Variants in FAM13B observed in about 807,000 individuals in gnomAD.
The protein encoded by FAM13B is family with sequence similarity 13 member B.
A neutral mutation model predicts 117.3 loss-of-function variants in FAM13B; 60 were observed. The ratio of observed to expected loss-of-function variants is 0.51; its 90% CI spans 0.42 to 0.63. The LOEUF is 0.63. Among genes scored for constraint, FAM13B ranks in the 30% least tolerant of loss-of-function variants. The pLI, the probability that FAM13B is intolerant of heterozygous loss-of-function variation, is 0.00. For missense variants in FAM13B, 972 were observed against 1,091.9 expected (o/e 0.89, Z 1.55); for synonymous variants, 332 against 356.1 (o/e 0.93, Z 0.76).
chr5:137,978,192 C>A (rs561797703), intron 10 of FAM13B, among the ~76,000 whole-genome samples: 2 of 151,912 alleles, frequency 1.3e-5, no homozygotes, highest in Admixed American at 1.3e-4. Flanking sequence ...AATCATTTTC[C>A]ATTTAGGACT....
intron 15 of FAM13B, 130 bp from the exon 16 acceptor site, chr5:137,953,595 A>G (rs1468470266): frequency 5.7e-6 from 5 of 880,518 alleles, no homozygotes; most frequent in Non-Finnish European, 8.7e-6. Flanking sequence ...ACACTAAAGG[A>G]CAGGTAGTAT....
At chr5:138,045,970 G>A in intron 1 of FAM13B, among the ~76,000 whole-genome samples, 1 of 151,632 alleles carries the variant, frequency 6.6e-6, no homozygotes, top group East Asian at 1.9e-4. Flanking sequence ...ATTATAAAGA[G>A]TATGATGTGG....
At position 137,992,451 on chromosome 5, in the gene FAM13B, G is replaced by A. The variant is rs138482366; in HGVS notation, c.849-4136C>T. 6.2e-3 allele frequency among the ~76,000 whole-genome samples: 940 copies of A among 151,650 alleles called. 13 individuals carry two copies. The highest frequency in any genetic ancestry group is 0.022 in the African/African-American group (905 of 41,348). ...TCTACTAAAAATACAAAAATTAGCC[G>A]CGCATGGTGACGCATGCCTGTAATC... On this transcript the variant is annotated intron_variant, in intron 7 of 23. Coordinates refer to ENST00000689681, the MANE Select transcript of FAM13B (RefSeq NM_001385994.1).
At chr5:138,010,586 GTGT>G (rs1220306027) in intron 6 of FAM13B, among the ~76,000 whole-genome samples, 1 of 152,082 alleles carries the variant, frequency 6.6e-6, no homozygotes, top group Non-Finnish European at 1.5e-5. Context: ...TTATACTATT[GTGT>G]TGATTTGCTC....
At chr5:137,972,625 G>C (rs1383201944) in intron 10 of FAM13B, among the ~76,000 whole-genome samples, 3 of 152,092 alleles carry the variant, frequency 2.0e-5, no homozygotes, top group African/African-American at 7.2e-5. Context: ...TTAGGCAGGA[G>C]AAGGAAATAA....
Position 137,938,406 on chromosome 5 carries a change from T to C in FAM13B, c.*1819A>G, listed in dbSNP as rs1382776350. On this transcript the variant is annotated 3_prime_UTR_variant, in exon 24 of 24. Transcript: ENST00000689681. ...TAAAACATTCATATAAGATACACAG[T>C]GCACATAAAATTAGATGTTTGGATA... 6.5e-6 allele frequency: 1 copy of C among 152,728 alleles called. No homozygotes were observed. The highest frequency in any genetic ancestry group is 2.4e-5 in the African/African-American group (1 of 41,572). 9.5% of individuals were successfully genotyped at this position (152,728 alleles called of 1,614,324 possible).
At chr5:138,018,135 A>G (rs1348463448) in intron 4 of FAM13B, among the ~76,000 whole-genome samples, 167 bp downstream of exon 4, 6 of 152,220 alleles carry the variant, frequency 3.9e-5, no homozygotes, top group Non-Finnish European at 8.8e-5. Context: ...GGATCCCGGA[A>G]GTTGCCTTTC....
At chr5:137,992,945 A>C (rs1480355519) in intron 7 of FAM13B, among the ~76,000 whole-genome samples, 1 of 152,116 alleles carries the variant, frequency 6.6e-6, no homozygotes, top group Non-Finnish European at 1.5e-5. Context: ...AAAAAATTGA[A>C]TTGTCCACCA....
intron 7 of FAM13B, among the ~76,000 whole-genome samples, chr5:137,998,820 T>A (rs1482797688): frequency 1.3e-5 from 2 of 152,214 alleles, no homozygotes; most frequent in African/African-American, 4.8e-5. Context: ...CCCATCCCCA[T>A]CATGGTCCTC....
chr5:138,048,940 C>CT (rs35414064), intron 1 of FAM13B, among the ~76,000 whole-genome samples: 84,609 of 122,414 alleles, frequency 0.69, 29,556 homozygotes, highest in East Asian at 0.93. Context: ...TGATACATTT[C>CT]TTTTTTTTTT....
intron 10 of FAM13B, among the ~76,000 whole-genome samples, chr5:137,977,546 T>C (rs1038262297): frequency 3.9e-5 from 6 of 152,220 alleles, no homozygotes; most frequent in African/African-American, 1.4e-4. Context: ...ACTCTGTCCC[T>C]TTATTTCTCA....
At chr5:138,049,446 T>C (rs935713992) in intron 1 of FAM13B, among the ~76,000 whole-genome samples, 1 of 151,958 alleles carries the variant, frequency 6.6e-6, no homozygotes, top group Non-Finnish European at 1.5e-5. Context: ...ACTAATTTTT[T>C]TTTTTTAGTA....
In FAM13B at chr5:137,956,488, C is replaced by T. The variant is rs779571739; in HGVS notation, c.1496G>A (p.Arg499Lys). ...LIDFKTMHLQ[R>K]DGEEPFPAFK... ...TGAACCATACTTACCCTCCCCATCT[C>T]TCTGCAGATGCATTGTTTTGAAATC... The change falls in exon 14 of 24, where the codon AGA becomes AAA. Residue 499 changes from arginine to lysine, a missense_variant. Arg to Lys is a conservative substitution (Grantham distance 26). Transcript: ENST00000689681. 27 of 1,599,656 alleles carry T rather than the reference C, an allele frequency of 1.7e-5. No individual in the cohort carries two copies. The highest frequency in any genetic ancestry group is 2.3e-5 in the Non-Finnish European group (27 of 1,172,614).
rs1341191811 is a variant in FAM13B, at chr5:137,943,152, T to C, written c.2405A>G (p.His802Arg). Residue 802 changes from histidine to arginine, a missense_variant, in exon 21 of 24, where the codon CAT (histidine) becomes CGT (arginine). Physicochemically the swap from His to Arg is conservative, Grantham distance 29. Transcript: ENST00000689681. ...LQPIIEGETA[H>R]FFEEIKEEEE... ...GATTACCTTGATTTCTTCAAAAAAA[T>C]GTGCAGTTTCTCCTTCTATGATTGG... 2.1e-5 allele frequency: 34 copies of C among 1,614,028 alleles called. No individual in the cohort carries two copies. The highest frequency in any genetic ancestry group is 2.9e-5 in the Non-Finnish European group (34 of 1,179,990).
At chr5:137,952,982 C>T (rs530802073) in intron 16 of FAM13B, among the ~76,000 whole-genome samples, 5 of 152,286 alleles carry the variant, frequency 3.3e-5, no homozygotes, top group Non-Finnish European at 7.4e-5. Flanking sequence ...TCTTTCCCCT[C>T]CTCCACTCCA....
chr5:138,007,697 T>C (rs1782898730), intron 6 of FAM13B, among the ~76,000 whole-genome samples: 1 of 146,916 alleles, frequency 6.8e-6, no homozygotes, highest in Non-Finnish European at 1.5e-5. Context: ...ACTCATATTT[T>C]GACCAGTAAG....
chr5:138,050,156 G>A (rs1384627022), intron 1 of FAM13B, among the ~76,000 whole-genome samples: 1 of 151,770 alleles, frequency 6.6e-6, no homozygotes, highest in African/African-American at 2.4e-5. Context: ...ATAAAAAGAG[G>A]GCCAGGCATG....
chr5:137,964,113 G>C (rs1036215068), intron 10 of FAM13B, among the ~76,000 whole-genome samples: 1 of 152,050 alleles, frequency 6.6e-6, no homozygotes, highest in African/African-American at 2.4e-5. Flanking sequence ...CCAGGCCAGA[G>C]TGAGGCTCAT....
chr5:137,940,490 T>C, intron 23 of FAM13B, 142 bp from the exon 24 acceptor site: 1 of 613,356 alleles, frequency 1.6e-6, no homozygotes, highest in South Asian at 2.2e-5. Context: ...AAAAAGGTTA[T>C]TGAACTAATA....
Sources: gnomAD v4.1 joint callset for allele counts (sites outside exome capture counted in the v4.1 genomes callset) on GRCh38, gnomAD v4.1.1 for gene constraint, MANE v1.5 for transcripts, NCBI Gene and HGNC (gene_info 2026-07-23, HGNC 2026-07-21) for gene names.